Variants in KLRG1 observed in about 807,000 individuals in gnomAD.
KLRG1 encodes killer cell lectin like receptor G1.
A neutral mutation model predicts 21.8 loss-of-function variants in KLRG1; 16 were observed. That is an observed-to-expected ratio of 0.73 (90% CI 0.50 to 1.11). The LOEUF is 1.11. Among genes scored for constraint, KLRG1 ranks in the 50% most tolerant of loss-of-function variants. KLRG1 has a pLI of 0.00. For synonymous variants in KLRG1, 69 were observed against 75.9 expected (o/e 0.91, Z 0.47); for missense variants, 173 against 218.3 (o/e 0.79, Z 1.31).
chr12:9,125,488 T>G, the KLRG1 span, among the ~76,000 whole-genome samples: 2 of 152,200 alleles, frequency 1.3e-5, no homozygotes, highest in South Asian at 4.1e-4. Flanking sequence ...TTAAGCTCAT[T>G]AAATATATTT....
the KLRG1 span, among the ~76,000 whole-genome samples, chr12:9,134,522 A>T: frequency 6.6e-6 from 1 of 152,230 alleles, no homozygotes; most frequent in Admixed American, 6.5e-5. Flanking sequence ...TCCAGAGCTT[A>T]TTTACCTTGC....
chr12:9,212,998 ACTAAT>A, the KLRG1 span, among the ~76,000 whole-genome samples: 1 of 152,310 alleles, frequency 6.6e-6, no homozygotes, highest in African/African-American at 2.4e-5. Context: ...CTCTGCAAAC[ACTAAT>A]CTACTTTATA....
the KLRG1 span, chr12:9,201,281 T>C: frequency 6.7e-7 from 1 of 1,485,466 alleles, no homozygotes; most frequent in Admixed American, 1.8e-5. Context: ...CCTCCTACTC[T>C]CTAAAAGCAC....
At chr12:9,006,806 T>A (rs1947486440) in intron 3 of KLRG1, among the ~76,000 whole-genome samples, 1 of 152,160 alleles carries the variant, frequency 6.6e-6, no homozygotes, top group South Asian at 2.1e-4. Context: ...ATAAAGAAGT[T>A]GACGCTCAGC....
chr12:9,197,894 A>G, the KLRG1 span, among the ~76,000 whole-genome samples: 1 of 125,470 alleles, frequency 8.0e-6, no homozygotes. Context: ...AATAATATAT[A>G]AATTATATAT....
the KLRG1 span, among the ~76,000 whole-genome samples, chr12:9,124,891 G>T: frequency 2.0e-5 from 3 of 152,218 alleles, no homozygotes; most frequent in Admixed American, 6.5e-5. Context: ...CAGTCCCTAG[G>T]ACTTGTGGTG....
the KLRG1 span, among the ~76,000 whole-genome samples, chr12:9,100,397 T>C: frequency 9.2e-5 from 14 of 152,128 alleles, no homozygotes; most frequent in Middle Eastern, 3.2e-3. Flanking sequence ...CACAACAATA[T>C]TTTATGTATT....
chr12:9,121,539 C>T, the KLRG1 span, among the ~76,000 whole-genome samples: 2 of 151,946 alleles, frequency 1.3e-5, no homozygotes, highest in Non-Finnish European at 2.9e-5. This position sits in a 1 kb window ranked among gnomAD's most constrained non-coding sequence, Gnocchi z 4.4. Flanking sequence ...GCCTCTGTCT[C>T]GAAACAAACA....
the KLRG1 span, among the ~76,000 whole-genome samples, chr12:9,132,847 G>A: frequency 7.2e-5 from 11 of 152,170 alleles, no homozygotes; most frequent in African/African-American, 2.4e-4. Flanking sequence ...ATTTCCACCT[G>A]ATTAATGATT....
intron 1 of KLRG1, among the ~76,000 whole-genome samples, chr12:8,953,240 G>A (rs772315126): frequency 5.6e-4 from 86 of 152,290 alleles, no homozygotes; most frequent in African/African-American, 1.9e-3. Flanking sequence ...GAGGGGATGT[G>A]GTAGGTGGAG....
the KLRG1 span, among the ~76,000 whole-genome samples, chr12:9,038,406 C>T: frequency 6.6e-6 from 1 of 152,190 alleles, no homozygotes; most frequent in East Asian, 1.9e-4. Flanking sequence ...CTTAATTCCA[C>T]TCTTAAGACC....
the KLRG1 span, among the ~76,000 whole-genome samples, chr12:9,110,743 GT>G: frequency 5.9e-5 from 9 of 152,090 alleles, no homozygotes; most frequent in African/African-American, 2.2e-4. Flanking sequence ...ATCTAAATTA[GT>G]TTCATATAGA....
At chr12:9,098,856 C>T in the KLRG1 span, 2 of 1,333,642 alleles carry the variant, frequency 1.5e-6, no homozygotes, top group Middle Eastern at 1.8e-4. Flanking sequence ...TGTATAACCA[C>T]TCTGCTTGAC....
chr12:9,151,776 G>T, the KLRG1 span: 1 of 871,686 alleles, frequency 1.1e-6, no homozygotes, highest in South Asian at 1.7e-5. Context: ...ATTCTCTGAA[G>T]AGAAGAAAGC....
At chr12:9,101,523 G>T in the KLRG1 span, 4 of 1,613,952 alleles carry the variant, frequency 2.5e-6, no homozygotes, top group Non-Finnish European at 3.4e-6. Context: ...GACTGTCTGA[G>T]TATGGCCACA....
the KLRG1 span, chr12:9,095,573 C>T: frequency 8.7e-6 from 14 of 1,612,354 alleles, no homozygotes; most frequent in Middle Eastern, 1.6e-4. Flanking sequence ...TTCATTTGTA[C>T]TTGATACTGG....
the KLRG1 span, among the ~76,000 whole-genome samples, chr12:9,206,111 TC>T: frequency 7.2e-5 from 11 of 152,206 alleles, no homozygotes; most frequent in African/African-American, 2.2e-4. Flanking sequence ...TATGTCTTAA[TC>T]TTTTTCTGGT....
the KLRG1 span, among the ~76,000 whole-genome samples, chr12:9,161,949 T>G: frequency 2.6e-5 from 4 of 152,002 alleles, no homozygotes; most frequent in South Asian, 8.3e-4. Flanking sequence ...GTCTTTAGTT[T>G]TTGTTGTTGT....
chr12:9,197,050 A>T, the KLRG1 span: 1 of 1,613,720 alleles, frequency 6.2e-7, no homozygotes, highest in Non-Finnish European at 8.5e-7. Flanking sequence ...TGCTTGTCAC[A>T]ATTAAGAACA....
Sources: gnomAD v4.1 joint callset for allele counts (sites outside exome capture counted in the v4.1 genomes callset) on GRCh38, gnomAD v4.1.1 for gene constraint, Gnocchi (gnomAD v3.1) non-coding constraint, MANE v1.5 for transcripts, NCBI Gene and HGNC (gene_info 2026-07-23, HGNC 2026-07-21) for gene names.